Variants in FAM83A observed in about 807,000 individuals in gnomAD.
The protein encoded by FAM83A is protein FAM83A.
In FAM83A, 21 loss-of-function variants were observed where a neutral mutation model predicts 24.4. The ratio of observed to expected loss-of-function variants is 0.86; its 90% CI spans 0.61 to 1.24. FAM83A has a LOEUF of 1.24. Ranked by LOEUF, FAM83A falls within the 50% of genes most tolerant of loss-of-function variation. The pLI, the probability that FAM83A is intolerant of heterozygous loss-of-function variation, is 0.00. For synonymous variants in FAM83A, 270 were observed against 252.4 expected (o/e 1.07, Z -0.66); for missense variants, 617 against 579.8 (o/e 1.06, Z -0.66).
At position 123,208,980 on chromosome 8, in the gene FAM83A, A is replaced by AAG. The variant is rs556002192; in HGVS notation, c.*1301_*1302dup. 560 of 985,656 alleles carry AAG rather than the reference A, an allele frequency of 5.7e-4. 2 individuals are homozygous for AAG. In the African/African-American group the frequency reaches 9.2e-3, roughly 16 times the overall value. 61.1% of individuals were successfully genotyped at this position (985,656 alleles called of 1,614,324 possible). A position where few individuals can be genotyped will look rare whatever the true frequency, so the allele number is the denominator to read the frequency against. On this transcript the variant is annotated 3_prime_UTR_variant, in exon 4 of 4. Transcript: ENST00000690554. ...CTCCGTCACAGAAAAAAAAAAAAAA[A>AAG]AGAGAGAGAGCATAGAGGAGGGTTG...
At position 123,209,498 on chromosome 8, in the gene FAM83A, C is replaced by CCCAGT. The variant is rs760675646; in HGVS notation, c.*1814_*1815insTCCAG. ...CTTTGGTTCCTGATGGCTTTCTGAA[C>CCCAGT]CCAGCCCTGACCTTGTTGTTTCACA... On this transcript the variant is annotated 3_prime_UTR_variant, in exon 4 of 4. Coordinates refer to ENST00000690554, the Ensembl canonical transcript of FAM83A. This position sits in a 1 kb window ranked among gnomAD's most constrained non-coding sequence, Gnocchi z 4.7. 6.2e-7 allele frequency: 1 copy of CCCAGT among 1,614,188 alleles called. No individual in the cohort carries two copies. Among genetic ancestry groups the CCCAGT allele is most frequent in the Non-Finnish European group, 8.5e-7 (1 of 1,180,034 alleles).
intron 1 of FAM83A, among the ~76,000 whole-genome samples, chr8:123,183,679 C>CTTTCTTTTTTTT (rs1199716715): frequency 2.5e-4 from 36 of 141,626 alleles, no homozygotes; most frequent in Middle Eastern, 3.5e-3. Flanking sequence ...TTCTTTTTTT[C>CTTTCTTTTTTTT]TTTCTTTTTT....
At chr8:123,182,216 A>G, upstream of FAM83A, 2 of 420,172 alleles carry the variant, frequency 4.8e-6, no homozygotes, top group South Asian at 1.7e-5. Context: ...TTCATAGGGC[A>G]GGGAGGGGTG....
At chr8:123,191,952 C>T in exon 2 of FAM83A, 1 of 1,614,134 alleles carries the variant, frequency 6.2e-7, no homozygotes, top group Admixed American at 1.7e-5. Flanking sequence ...AAGTCCAGAT[C>T]TCTGACAGTC....
At chr8:123,197,208 A>C (rs1265388304) in intron 3 of FAM83A, among the ~76,000 whole-genome samples, 1 of 152,208 alleles carries the variant, frequency 6.6e-6, no homozygotes, top group Admixed American at 6.5e-5. Context: ...GAATCTCTAA[A>C]ATATGTCATT....
At chr8:123,191,063 T>G (rs1161319904) in intron 1 of FAM83A, among the ~76,000 whole-genome samples, 3 of 152,272 alleles carry the variant, frequency 2.0e-5, no homozygotes, top group African/African-American at 4.8e-5. Flanking sequence ...TCTCCCCATA[T>G]CCAGTCAAAG....
rs998170647 is a variant in FAM83A, at chr8:123,209,310, G to C, written c.*1622G>C. On this transcript the variant is annotated 3_prime_UTR_variant, in exon 4 of 4. Transcript: ENST00000690554. This position sits in a 1 kb window ranked among gnomAD's most constrained non-coding sequence, Gnocchi z 4.7. The stretch of plus-strand genomic sequence containing the variant: ...GTCCCCTCTGCCCATCCATCCCTCT[G>C]TTCCAATTCTCCACTGCTCCCAGCA... 1 of 1,399,718 alleles carries C rather than the reference G, an allele frequency of 7.1e-7. No individual in the cohort carries two copies. Among genetic ancestry groups the C allele is most frequent in the Middle Eastern group, 2.7e-4 (1 of 3,738 alleles). The allele number at this position is 1,399,718 out of a possible 1,614,324, so 86.7% of individuals were successfully genotyped here.
At chr8:123,183,271 T>C (rs765728212) in exon 1 of FAM83A, 7 of 1,613,144 alleles carry the variant, frequency 4.3e-6, no homozygotes, top group Non-Finnish European at 5.9e-6. Context: ...CACTGTGTAC[T>C]TCCAGACCGT....
Position 123,209,332 on chromosome 8 carries a change from A to G in FAM83A, c.*1644A>G. The G allele has an allele frequency of 6.9e-7, 1 of 1,439,656 alleles. No homozygotes were observed. Among genetic ancestry groups the G allele is most frequent in the Non-Finnish European group, 9.1e-7 (1 of 1,102,572 alleles). The allele number at this position is 1,439,656 out of a possible 1,614,324, so 89.2% of individuals were successfully genotyped here. A position where few individuals can be genotyped will look rare whatever the true frequency, so the allele number is the denominator to read the frequency against. On this transcript the variant is annotated 3_prime_UTR_variant, in exon 4 of 4. Transcript: ENST00000690554. This position sits in a 1 kb window ranked among gnomAD's most constrained non-coding sequence, Gnocchi z 4.7. ...TCTGTTCCAATTCTCCACTGCTCCCAGCATGATCTGGGGCATCTTGGCTTC... is the reference window on the plus strand; with the variant it reads ...TCTGTTCCAATTCTCCACTGCTCCCGGCATGATCTGGGGCATCTTGGCTTC...
At position 123,209,302 on chromosome 8, in the gene FAM83A, A is replaced by G; in HGVS notation, c.*1614A>G. 1 of 1,378,578 alleles carries G rather than the reference A, an allele frequency of 7.3e-7. No homozygotes were observed. The highest frequency in any genetic ancestry group is 9.3e-7 in the Non-Finnish European group (1 of 1,074,378). The allele number at this position is 1,378,578 out of a possible 1,614,324, so 85.4% of individuals were successfully genotyped here. A position where few individuals can be genotyped will look rare whatever the true frequency, so the allele number is the denominator to read the frequency against. On this transcript the variant is annotated 3_prime_UTR_variant, in exon 4 of 4. Coordinates refer to ENST00000690554, the Ensembl canonical transcript of FAM83A. The surrounding 1 kb of genome is among the most constrained non-coding windows in gnomAD (Gnocchi z 4.7). ...CCTCCCTAGTCCCCTCTGCCCATCC[A>G]TCCCTCTGTTCCAATTCTCCACTGC...
intron 3 of FAM83A, chr8:123,201,319 T>TC (rs1669562005): frequency 6.6e-6 from 1 of 152,180 alleles, no homozygotes. Context: ...GGTCACCAGC[T>TC]CTCCAATCCC....
At position 123,209,832 on chromosome 8, in the gene FAM83A, C is replaced by T; in HGVS notation, c.*2144C>T. On this transcript the variant is annotated 3_prime_UTR_variant, in exon 4 of 4. Coordinates refer to ENST00000690554, the Ensembl canonical transcript of FAM83A. The surrounding 1 kb of genome is among the most constrained non-coding windows in gnomAD (Gnocchi z 4.7). ...CTGGGCACCTGTAACATGTGATGCG[C>T]TGCCTGCTGGGAGGTTAGGTCGGGG... 2.3e-6 allele frequency: 1 copy of T among 435,666 alleles called. No individual in the cohort carries two copies. The allele number at this position is 435,666 out of a possible 1,614,324, so 27.0% of individuals were successfully genotyped here.
At chr8:123,188,276 A>C (rs1823868518) in intron 1 of FAM83A, among the ~76,000 whole-genome samples, 1 of 151,954 alleles carries the variant, frequency 6.6e-6, no homozygotes, top group Non-Finnish European at 1.5e-5. Context: ...TCTTTCTGAT[A>C]TCTCTCATAA....
intron 3 of FAM83A, among the ~76,000 whole-genome samples, chr8:123,203,787 G>A (rs1339993609): frequency 6.6e-6 from 1 of 151,020 alleles, no homozygotes; most frequent in African/African-American, 2.4e-5. Context: ...CACCAAAGAG[G>A]CAACATATGG....
intron 2 of FAM83A, 34 bp downstream of exon 2, chr8:123,192,004 A>G (rs1347059503): frequency 2.5e-6 from 4 of 1,608,694 alleles, no homozygotes; most frequent in Non-Finnish European, 3.4e-6. Flanking sequence ...AAGGGTACTC[A>G]TATTAGCCCA....
upstream of FAM83A, among the ~76,000 whole-genome samples, chr8:123,181,292 A>G (rs57322232): frequency 0.11 from 16,849 of 152,156 alleles, 1,059 homozygotes; most frequent in African/African-American, 0.18. Flanking sequence ...GTTCAGGCAC[A>G]AGGGCCACAG....
At chr8:123,193,467 G>C (rs1340179379) in intron 2 of FAM83A, among the ~76,000 whole-genome samples, 1 of 151,952 alleles carries the variant, frequency 6.6e-6, no homozygotes, top group Non-Finnish European at 1.5e-5. Context: ...TTTGTTGCCA[G>C]CTGATGCCAG....
At chr8:123,189,975 T>C (rs1823916039) in intron 1 of FAM83A, among the ~76,000 whole-genome samples, 1 of 152,180 alleles carries the variant, frequency 6.6e-6, no homozygotes, top group Admixed American at 6.5e-5. Flanking sequence ...CCTACAATCA[T>C]GTACGGAATA....
chr8:123,186,902 A>G (rs998230511), intron 1 of FAM83A, among the ~76,000 whole-genome samples: 1 of 152,180 alleles, frequency 6.6e-6, no homozygotes, highest in African/African-American at 2.4e-5. Context: ...GTGGACCAAG[A>G]GGGATCCTTC....
Sources: allele counts gnomAD v4.1 joint callset (sites outside exome capture counted in the v4.1 genomes callset), GRCh38; gene constraint gnomAD v4.1.1; non-coding constraint Gnocchi (gnomAD v3.1); transcripts MANE v1.5; gene names NCBI Gene and HGNC (gene_info 2026-07-23, HGNC 2026-07-21).